MYO5B: variants seen among roughly 807,000 people sequenced by gnomAD.
The protein encoded by MYO5B is myosin VB.
Under a neutral mutation model 229.3 loss-of-function variants are expected in MYO5B, and 143 were observed. The ratio of observed to expected loss-of-function variants is 0.62; its 90% CI spans 0.54 to 0.72. The LOEUF (loss-of-function observed/expected upper bound fraction) is 0.72. Ranked by LOEUF, MYO5B falls within the 30% of genes least tolerant of loss-of-function variation. The pLI, the probability that MYO5B is intolerant of heterozygous loss-of-function variation, is 0.00. For missense variants in MYO5B, 2,321 were observed against 2,331.0 expected, an observed-to-expected ratio of 1.00 and a Z score of 0.09; for synonymous variants, 918 against 885.2, an observed-to-expected ratio of 1.04 and a Z score of -0.66.
At chr18:49,932,042 C>G (rs2025199011) in intron 16 of MYO5B, among the ~76,000 whole-genome samples, 1 of 152,206 alleles carries the variant, frequency 6.6e-6, no homozygotes, top group Admixed American at 6.5e-5. Flanking sequence ...GGCTATGGGA[C>G]CAGCTGGAGG....
intron 12 of MYO5B, 34 bp downstream of exon 12, chr18:49,962,232 C>G (rs764344247): frequency 6.2e-7 from 1 of 1,613,720 alleles, no homozygotes; most frequent in Non-Finnish European, 8.5e-7. Flanking sequence ...CATCCCTACC[C>G]TAGAATTGAA....
intron 2 of MYO5B, among the ~76,000 whole-genome samples, chr18:50,052,677 C>T (rs2030429289): frequency 7.3e-6 from 1 of 137,856 alleles, no homozygotes; most frequent in Admixed American, 7.6e-5. Context: ...GCACATTGTG[C>T]ACATGTACCC....
At chr18:50,169,443 C>T (rs2032896771) in intron 1 of MYO5B, among the ~76,000 whole-genome samples, 1 of 127,554 alleles carries the variant, frequency 7.8e-6, no homozygotes, top group South Asian at 2.8e-4. Context: ...TTACCACCAC[C>T]AGTAACAGGA....
intron 27 of MYO5B, among the ~76,000 whole-genome samples, chr18:49,864,675 T>C (rs1324068588): frequency 5.3e-5 from 8 of 152,242 alleles, no homozygotes; most frequent in Non-Finnish European, 1.2e-4. Context: ...AAACTCCTCC[T>C]TGTGGAAATG....
intron 16 of MYO5B, among the ~76,000 whole-genome samples, chr18:49,932,606 T>G (rs551051981): frequency 6.6e-6 from 1 of 152,178 alleles, no homozygotes; most frequent in African/African-American, 2.4e-5. Flanking sequence ...ATTTACTCAA[T>G]GAGAGCTCAA....
At chr18:50,047,247 AAAAC>A (rs377684208) in intron 2 of MYO5B, among the ~76,000 whole-genome samples, 23,857 of 152,108 alleles carry the variant, frequency 0.16, 1,908 homozygotes, top group East Asian at 0.22. Context: ...TTACAAGAAA[AAAAC>A]AAACAACCCC....
intron 1 of MYO5B, among the ~76,000 whole-genome samples, chr18:50,184,678 G>T (rs544272426): frequency 3.9e-5 from 6 of 152,230 alleles, no homozygotes; most frequent in South Asian, 2.1e-4. Flanking sequence ...TACATGCCAA[G>T]GTGCTTTATT....
intron 8 of MYO5B, among the ~76,000 whole-genome samples, chr18:49,981,334 T>G (rs893140247): frequency 1.3e-5 from 2 of 152,204 alleles, no homozygotes; most frequent in Non-Finnish European, 1.5e-5. Context: ...ATACAGCTGC[T>G]CTCCCCATTC....
intron 4 of MYO5B, among the ~76,000 whole-genome samples, chr18:50,017,664 T>C (rs1218944864): frequency 6.6e-6 from 1 of 152,234 alleles, no homozygotes; most frequent in Admixed American, 6.5e-5. Flanking sequence ...AAATGTTTTA[T>C]AGGTATAATA....
intron 27 of MYO5B, among the ~76,000 whole-genome samples, chr18:49,870,475 T>C (rs1568618714): frequency 2.0e-5 from 3 of 152,192 alleles, no homozygotes; most frequent in Non-Finnish European, 4.4e-5. Context: ...CAAAAGACAC[T>C]ATCAGAATAA....
chr18:49,929,493 T>C lies in MYO5B; in HGVS notation c.2090+19A>G. On this transcript the variant is annotated intron_variant, in intron 17 of 39. Coordinates refer to ENST00000285039, the MANE Select transcript of MYO5B (RefSeq NM_001080467.3). The stretch of plus-strand genomic sequence containing the variant: ...CTCTAGGGCAGCCCCAGGAGGCAGC[T>C]GGCGGGCACGTTAGTTACCTGGATG... The C allele has an allele frequency of 1.3e-6, 2 of 1,592,880 alleles. No individual in the cohort carries two copies. The highest frequency in any genetic ancestry group is 1.1e-5 in the South Asian group (1 of 88,210).
At chr18:50,164,395 G>A (rs1193273311) in intron 1 of MYO5B, among the ~76,000 whole-genome samples, 2 of 152,142 alleles carry the variant, frequency 1.3e-5, no homozygotes, top group African/African-American at 4.8e-5. Flanking sequence ...AGTTATCCAT[G>A]AGATAGAGTC....
intron 17 of MYO5B, among the ~76,000 whole-genome samples, chr18:49,914,875 C>T (rs999583085): frequency 6.6e-6 from 1 of 151,930 alleles, no homozygotes; most frequent in African/African-American, 2.4e-5. Context: ...GTGGGCAGTA[C>T]GGGCACACCG....
intron 1 of MYO5B, among the ~76,000 whole-genome samples, chr18:50,093,717 T>G (rs1228100929): frequency 6.6e-6 from 1 of 152,004 alleles, no homozygotes; most frequent in Non-Finnish European, 1.5e-5. Flanking sequence ...TAAAGTGACC[T>G]CTGGTCGTCC....
Position 49,962,946 on chromosome 18 carries a change from T to C in MYO5B, c.1404+3A>G. 2 of 1,613,658 alleles carry C rather than the reference T, an allele frequency of 1.2e-6. No homozygotes were observed. The highest frequency in any genetic ancestry group is 1.7e-6 in the Non-Finnish European group (2 of 1,179,562). ...TACCCCCAGGTCTAGAAACCAAGCC[T>C]ACCGAGTTGAACTGCTGCTGGAGCT... On this transcript the variant is annotated splice_donor_region_variant and intron_variant, in intron 11 of 39. Transcript: ENST00000285039.
chr18:50,038,007 A>T (rs191158202), intron 3 of MYO5B, among the ~76,000 whole-genome samples: 4 of 152,320 alleles, frequency 2.6e-5, no homozygotes, highest in African/African-American at 9.6e-5. Flanking sequence ...TCCCCTAAAG[A>T]ATGGATTGCA....
At chr18:49,977,168 C>G (rs556690158) in intron 9 of MYO5B, among the ~76,000 whole-genome samples, 1 of 152,088 alleles carries the variant, frequency 6.6e-6, no homozygotes, top group Admixed American at 6.5e-5. Flanking sequence ...CACCCTCTTC[C>G]GACTGTTGAT....
At chr18:49,900,173 A>G (rs1219338561) in intron 21 of MYO5B, among the ~76,000 whole-genome samples, 1 of 152,230 alleles carries the variant, frequency 6.6e-6, no homozygotes, top group Non-Finnish European at 1.5e-5. Flanking sequence ...GTTAACTCAC[A>G]ACATTTGACT....
intron 29 of MYO5B, among the ~76,000 whole-genome samples, chr18:49,861,724 C>T (rs539084959): frequency 6.6e-5 from 10 of 152,158 alleles, no homozygotes; most frequent in Non-Finnish European, 1.2e-4. Flanking sequence ...ACAGGCCACC[C>T]GTGGGCCTAA....
Sources: allele counts gnomAD v4.1 joint callset (sites outside exome capture counted in the v4.1 genomes callset), GRCh38; gene constraint gnomAD v4.1.1; transcripts MANE v1.5; gene names NCBI Gene and HGNC (gene_info 2026-07-23, HGNC 2026-07-21).